The following ATXN1 variants were observed in gnomAD, a reference collection of about 807,000 sequenced individuals.
ATXN1 encodes the protein ataxin 1.
In ATXN1, 8 loss-of-function variants were observed where a neutral mutation model predicts 56.4. The ratio of observed to expected loss-of-function variants is 0.14; its 90% CI spans 0.08 to 0.26. ATXN1 has a LOEUF of 0.26. Among genes scored for constraint, ATXN1 ranks in the 10% least tolerant of loss-of-function variants. ATXN1 has a pLI of 1.00. For missense variants in ATXN1, 987 were observed against 1,106.5 expected (o/e 0.89, Z 1.53); for synonymous variants, 514 against 494.6 (o/e 1.04, Z -0.52).
At chr6:16,756,586 A>T (rs928011040) in intron 1 of ATXN1, among the ~76,000 whole-genome samples, 2 of 152,194 alleles carry the variant, frequency 1.3e-5, no homozygotes, top group Non-Finnish European at 2.9e-5. Context: ...CACAGATCTA[A>T]ATCTCTCACA....
intron 6 of ATXN1, among the ~76,000 whole-genome samples, chr6:16,474,184 C>T (rs1760278120): frequency 6.6e-6 from 1 of 152,236 alleles, no homozygotes; most frequent in African/African-American, 2.4e-5. Context: ...TCATGTTGTC[C>T]TCATGTGACT....
chr6:16,573,841 G>T (rs568365845), intron 4 of ATXN1, among the ~76,000 whole-genome samples: 1 of 152,076 alleles, frequency 6.6e-6, no homozygotes, highest in Non-Finnish European at 1.5e-5. Flanking sequence ...TACACATCCT[G>T]TTAAGGTCCC....
intron 6 of ATXN1, among the ~76,000 whole-genome samples, chr6:16,437,204 G>A (rs1759411543): frequency 1.3e-5 from 2 of 152,228 alleles, no homozygotes. Flanking sequence ...TTTGAGGACT[G>A]AGCCCTGAGG....
At chr6:16,578,788 A>G (rs1484711017) in intron 4 of ATXN1, among the ~76,000 whole-genome samples, 12 of 152,142 alleles carry the variant, frequency 7.9e-5, no homozygotes, top group Non-Finnish European at 1.6e-4. Flanking sequence ...GGGACATTAG[A>G]TAAGCCCCCC....
intron 5 of ATXN1, among the ~76,000 whole-genome samples, chr6:16,518,009 G>T (rs1416609527): frequency 1.3e-5 from 2 of 152,198 alleles, no homozygotes; most frequent in East Asian, 3.8e-4. Flanking sequence ...TTAAATACTG[G>T]GATACATGCA....
chr6:16,720,907 G>C (rs1027013055), intron 2 of ATXN1, among the ~76,000 whole-genome samples: 3 of 152,182 alleles, frequency 2.0e-5, no homozygotes, highest in Non-Finnish European at 4.4e-5. Flanking sequence ...GCCAGATACT[G>C]TGCTAGCAGT....
At chr6:16,490,917 C>A (rs1250948498) in intron 5 of ATXN1, among the ~76,000 whole-genome samples, 1 of 152,100 alleles carries the variant, frequency 6.6e-6, no homozygotes, top group Non-Finnish European at 1.5e-5. Flanking sequence ...CCTAGTGAGA[C>A]CACGGGAGCA....
chr6:16,350,413 A>ACC (rs985185456), intron 6 of ATXN1, among the ~76,000 whole-genome samples: 7 of 152,192 alleles, frequency 4.6e-5, no homozygotes, highest in African/African-American at 1.7e-4. Context: ...TTGGATGCTT[A>ACC]CCACCCCTCT....
chr6:16,348,468 G>C (rs147727903), intron 6 of ATXN1, among the ~76,000 whole-genome samples: 53 of 152,198 alleles, frequency 3.5e-4, no homozygotes, highest in African/African-American at 1.2e-3. Context: ...GAGGCCGAGG[G>C]GGGGCAGATC....
At chr6:16,637,776 C>T (rs1478950549) in intron 3 of ATXN1, among the ~76,000 whole-genome samples, 2 of 152,168 alleles carry the variant, frequency 1.3e-5, no homozygotes, top group Admixed American at 6.5e-5. Flanking sequence ...CCAGGCAAAT[C>T]GCAAGTTGTT....
At position 16,327,601 on chromosome 6, in the gene ATXN1, C is replaced by T. The variant is rs916027341; in HGVS notation, c.710G>A (p.Gly237Glu). 1.1e-5 allele frequency: 18 copies of T among 1,592,340 alleles called. No homozygotes were observed. Among genetic ancestry groups the T allele is most frequent in the Non-Finnish European group, 1.4e-5 (16 of 1,170,866 alleles). ...LSRAPGLITPGSPPPAQQNQY... is the reference protein window; with the variant it reads ...LSRAPGLITPESPPPAQQNQY... Reference sequence around the variant, plus strand: ...GTTCTGCTGGGCTGGTGGGGGGGACCCCGGGGTGATGAGCCCCGGAGCCCT... The same window carrying T: ...GTTCTGCTGGGCTGGTGGGGGGGACTCCGGGGTGATGAGCCCCGGAGCCCT... The change falls in exon 7 of 8, where the codon GGG becomes GAG. Residue 237 changes from glycine to glutamate, a missense_variant. Gly to Glu is a moderately conservative substitution (Grantham distance 98). Around this residue, in one of 3 missense-constraint regions of ATXN1, gnomAD observed 723 missense variants for 791.7 expected, o/e 0.91. Transcript: ENST00000436367.
chr6:16,661,578 C>T (rs1310756012), intron 2 of ATXN1, among the ~76,000 whole-genome samples: 2 of 152,192 alleles, frequency 1.3e-5, no homozygotes, highest in Non-Finnish European at 1.5e-5. Context: ...CTTGTAAAGC[C>T]TTCTTGAGTG....
At chr6:16,740,658 C>G (rs1760307830) in intron 2 of ATXN1, among the ~76,000 whole-genome samples, 1 of 152,174 alleles carries the variant, frequency 6.6e-6, no homozygotes. Flanking sequence ...CAAGTTTAGG[C>G]TCCGGCACTA....
At position 16,410,127 on chromosome 6, in the gene ATXN1, C is replaced by T. The variant is rs1758768054; in HGVS notation, c.-161+75845G>A. ...AGCAGAGGGTGGCACCGGAGCCCTACCTGGGTGCTGGCACTGCCTCGGCCT... is the reference window on the plus strand; with the variant it reads ...AGCAGAGGGTGGCACCGGAGCCCTATCTGGGTGCTGGCACTGCCTCGGCCT... On this transcript the variant is annotated intron_variant, in intron 6 of 7. Transcript: ENST00000436367. The surrounding 1 kb of genome is among the most constrained non-coding windows in gnomAD (Gnocchi z 4.6). Among the ~76,000 whole-genome samples, 1 of 152,218 alleles carries T rather than the reference C, an allele frequency of 6.6e-6. No homozygotes were observed. Among genetic ancestry groups the T allele is most frequent in the Non-Finnish European group, 1.5e-5 (1 of 68,036 alleles).
chr6:16,358,310 G>C (rs893006041), intron 6 of ATXN1, among the ~76,000 whole-genome samples: 2 of 152,134 alleles, frequency 1.3e-5, no homozygotes, highest in Non-Finnish European at 2.9e-5. Flanking sequence ...CCACTACTGG[G>C]TATCTACCCA....
Position 16,509,585 on chromosome 6 carries a change from T to C in ATXN1, c.-299+13042A>G, listed in dbSNP as rs187425906. On this transcript the variant is annotated intron_variant, in intron 5 of 7. Coordinates refer to ENST00000436367, the MANE Select transcript of ATXN1 (RefSeq NM_001128164.2). Reference sequence around the variant, plus strand: ...GATCCTTCTCTCTCTGTATCGCATCTAGTCTCTATTTTCCCCATTGCTAAG... The same window carrying C: ...GATCCTTCTCTCTCTGTATCGCATCCAGTCTCTATTTTCCCCATTGCTAAG... Among the ~76,000 whole-genome samples, 24 of 152,298 alleles carry C rather than the reference T, an allele frequency of 1.6e-4. No individual in the cohort carries two copies. In the East Asian group the frequency reaches 4.4e-3, roughly 28 times the overall value.
At chr6:16,688,801 A>G (rs1398930772) in intron 2 of ATXN1, among the ~76,000 whole-genome samples, 1 of 152,220 alleles carries the variant, frequency 6.6e-6, no homozygotes, top group East Asian at 1.9e-4. Flanking sequence ...TATTTTGTGA[A>G]ATCAAGTTTA....
intron 6 of ATXN1, among the ~76,000 whole-genome samples, chr6:16,357,488 TC>T (rs1208172766): frequency 1.3e-5 from 2 of 152,172 alleles, no homozygotes; most frequent in Non-Finnish European, 2.9e-5. Context: ...CAGGCTGGTC[TC>T]AAACTCCTGA....
chr6:16,681,347 C>A (rs1348531921), intron 2 of ATXN1, among the ~76,000 whole-genome samples: 6 of 152,240 alleles, frequency 3.9e-5, no homozygotes, highest in Non-Finnish European at 8.8e-5. Flanking sequence ...CTTAAGCCTG[C>A]AGTGTAGGGT....
Sources: gnomAD v4.1 joint callset for allele counts (sites outside exome capture counted in the v4.1 genomes callset) on GRCh38, gnomAD v4.1.1 for gene constraint, gnomAD v4.1.1 regional missense constraint, Gnocchi (gnomAD v3.1) non-coding constraint, MANE v1.5 for transcripts, NCBI Gene and HGNC (gene_info 2026-07-23, HGNC 2026-07-21) for gene names.